The following TENM1 variants were observed in gnomAD, a reference collection of about 807,000 sequenced individuals.
The protein encoded by TENM1 is teneurin-1.
A neutral mutation model predicts 174.8 loss-of-function variants in TENM1; 35 were observed. The observed-to-expected ratio is 0.20, with a 90% CI of 0.15 to 0.27. The LOEUF (loss-of-function observed/expected upper bound fraction) is 0.27. Among genes scored for constraint, TENM1 ranks in the 10% least tolerant of loss-of-function variants. TENM1 has a pLI of 1.00. For synonymous variants in TENM1, 781 were observed against 798.7 expected (o/e 0.98, Z 0.37); for missense variants, 1,633 against 2,130.1 (o/e 0.77, Z 4.59).
At chrX:124,807,934 C>A (rs1375386684) in intron 3 of TENM1, among the ~76,000 whole-genome samples, 1 of 103,879 alleles carries the variant, frequency 9.6e-6, no homozygotes, top group Non-Finnish European at 2.0e-5. Flanking sequence ...AAGGAAGGTA[C>A]CAAAGAATCT....
chrX:124,679,248 T>G (rs1205463155), intron 5 of TENM1, among the ~76,000 whole-genome samples: 2 of 112,452 alleles, frequency 1.8e-5, no homozygotes, highest in African/African-American at 6.4e-5. Flanking sequence ...TTTTCCCTTT[T>G]TGTCAGCATT....
chrX:124,737,340 T>C (rs951364564), intron 3 of TENM1, 143 bp from the exon 7 acceptor site: 7 of 617,587 alleles, frequency 1.1e-5, no homozygotes, highest in Middle Eastern at 5.4e-4. Flanking sequence ...AGTCTATCTG[T>C]AAAAATGCCA....
At chrX:124,706,142 G>A (rs67917558) in intron 4 of TENM1, among the ~76,000 whole-genome samples, 19,904 of 111,173 alleles carry the variant, frequency 0.18, 2,219 homozygotes, top group African/African-American at 0.42. Context: ...TGACCTAGTG[G>A]TCCGCCCGCC....
chrX:124,729,909 T>C (rs1378387000), intron 4 of TENM1, among the ~76,000 whole-genome samples: 1 of 111,294 alleles, frequency 9.0e-6, no homozygotes, highest in Admixed American at 9.5e-5. Flanking sequence ...CAGGCTGGAG[T>C]GCAGTGGCGC....
chrX:124,406,222 G>C (rs1388123425), intron 26 of TENM1, 95 bp downstream of exon 29: 1 of 666,213 alleles, frequency 1.5e-6, no homozygotes, highest in Non-Finnish European at 2.3e-6. Flanking sequence ...TTCTCAGCTA[G>C]AGGTGAATTC....
the TENM1 span, among the ~76,000 whole-genome samples, chrX:125,016,312 C>A: frequency 1.8e-5 from 2 of 111,096 alleles, no homozygotes; most frequent in Non-Finnish European, 3.8e-5. Context: ...ATTTAGAAAA[C>A]CCCATCGTCT....
chrX:124,764,391 A>G (rs2054491667), intron 3 of TENM1, among the ~76,000 whole-genome samples: 1 of 111,520 alleles, frequency 9.0e-6, no homozygotes, highest in African/African-American at 3.3e-5. Flanking sequence ...TTGGGTGGTA[A>G]TATCTGGGTA....
At chrX:124,900,751 T>G (rs186356657) in intron 1 of TENM1, among the ~76,000 whole-genome samples, 2 of 110,362 alleles carry the variant, frequency 1.8e-5, no homozygotes, top group Non-Finnish European at 3.8e-5. Context: ...GAAGACTAAC[T>G]GATGCATGAT....
Position 124,642,010 on chromosome X carries a change from G to T in TENM1, c.1877-19C>A, listed in dbSNP as rs746281735. 17 of 1,151,650 alleles carry T rather than the reference G, an allele frequency of 1.5e-5. No individual in the cohort carries two copies. The South Asian group carries it at 2.5e-4, about 17-fold the overall frequency. 94.9% of individuals were successfully genotyped at this position (1,151,650 alleles called of 1,213,427 possible). ...CAGTCCTCTGAAGGCACAAAAAAGT[G>T]GGGGGGAGGGGTGATTAATAGTGAA... is the stretch of plus-strand genomic sequence containing the variant. On this transcript the variant is annotated intron_variant, in intron 10 of 31. Transcript: ENST00000422452.
the TENM1 span, among the ~76,000 whole-genome samples, chrX:124,971,788 A>T: frequency 8.9e-6 from 1 of 112,106 alleles, no homozygotes; most frequent in Non-Finnish European, 1.9e-5. Context: ...TCTATTTAAA[A>T]TAAGTAAATT....
At chrX:124,777,722 A>T (rs778444302) in intron 3 of TENM1, among the ~76,000 whole-genome samples, 16 of 112,526 alleles carry the variant, frequency 1.4e-4, no homozygotes, top group Non-Finnish European at 2.6e-4. Flanking sequence ...GATAATTAAC[A>T]TTTAAAGTGT....
exon 24 of TENM1, chrX:124,422,317 T>C: frequency 8.3e-7 from 1 of 1,211,476 alleles, no homozygotes. Flanking sequence ...TCACAGTCAG[T>C]GGGGGCACCA....
At chrX:125,087,281 T>G in the TENM1 span, among the ~76,000 whole-genome samples, 1 of 111,121 alleles carries the variant, frequency 9.0e-6, no homozygotes, top group Non-Finnish European at 1.9e-5. Context: ...AAGTGAATAT[T>G]ATCAATATTT....
the TENM1 span, among the ~76,000 whole-genome samples, chrX:125,173,443 T>C: frequency 9.0e-6 from 1 of 111,211 alleles, no homozygotes; most frequent in Non-Finnish European, 1.9e-5. Flanking sequence ...ATTCATTAAT[T>C]CATTCAACAT....
the TENM1 span, among the ~76,000 whole-genome samples, chrX:125,065,758 A>C: frequency 8.9e-6 from 1 of 112,410 alleles, no homozygotes; most frequent in East Asian, 2.8e-4. Context: ...ACACAAGTAC[A>C]TGGAAACAAA....
intron 4 of TENM1, among the ~76,000 whole-genome samples, chrX:124,727,764 A>G (rs992337412): frequency 5.4e-5 from 6 of 111,554 alleles, no homozygotes; most frequent in African/African-American, 2.0e-4. Flanking sequence ...TGGGAAGAAG[A>G]GAAAGAAGAA....
At chrX:124,863,935 T>C (rs1212775506) in intron 3 of TENM1, among the ~76,000 whole-genome samples, 1 of 112,342 alleles carries the variant, frequency 8.9e-6, no homozygotes, top group Non-Finnish European at 1.9e-5. Context: ...TGAGAGAAAG[T>C]AAGGGAACAG....
chrX:125,018,894 G>A, the TENM1 span, among the ~76,000 whole-genome samples: 1 of 111,691 alleles, frequency 9.0e-6, no homozygotes, highest in Non-Finnish European at 1.9e-5. Context: ...TTAACAGATT[G>A]AACAAGTAAT....
intron 26 of TENM1, 105 bp downstream of exon 29, chrX:124,406,212 T>G: frequency 1.6e-6 from 1 of 630,945 alleles, no homozygotes; most frequent in South Asian, 3.3e-5. Context: ...AGAGTACATC[T>G]TCTCAGCTAG....
Sources: gnomAD v4.1 joint callset for allele counts (sites outside exome capture counted in the v4.1 genomes callset) on GRCh38, gnomAD v4.1.1 for gene constraint, MANE v1.5 for transcripts, NCBI Gene and HGNC (gene_info 2026-07-23, HGNC 2026-07-21) for gene names.